Variants in ADAMTS17 observed in about 807,000 individuals in gnomAD.
ADAMTS17 encodes ADAM metallopeptidase with thrombospondin type 1 motif 17.
A neutral mutation model predicts 141.5 loss-of-function variants in ADAMTS17; 113 were observed. The ratio of observed to expected loss-of-function variants is 0.80; its 90% CI spans 0.69 to 0.93. The LOEUF is 0.93. ADAMTS17 is among the 40% of genes least tolerant of loss of function. The probability of loss-of-function intolerance (pLI) is 0.00; values close to 1 mark genes in which losing one functional copy is unlikely to be tolerated. For synonymous variants in ADAMTS17, 768 were observed against 630.6 expected (o/e 1.22, Z -3.27); for missense variants, 1,659 against 1,517.9 (o/e 1.09, Z -1.54).
intron 12 of ADAMTS17, among the ~76,000 whole-genome samples, chr15:100,123,801 C>A (rs1044975652): frequency 5.9e-5 from 9 of 152,178 alleles, no homozygotes; most frequent in Non-Finnish European, 1.3e-4. Flanking sequence ...AGCTCCTGGA[C>A]CCAGCAGGAA....
At chr15:100,134,004 C>G (rs748259807) in intron 10 of ADAMTS17, among the ~76,000 whole-genome samples, 1 of 152,188 alleles carries the variant, frequency 6.6e-6, no homozygotes, top group Non-Finnish European at 1.5e-5. Flanking sequence ...CACAGACTCC[C>G]AACTGTATCA....
rs1438536763 is a variant in ADAMTS17, at chr15:100,060,419, A to T, written c.2138-6365T>A. Among the ~76,000 whole-genome samples the T allele has an allele frequency of 3.3e-5, 5 of 152,256 alleles. No homozygotes were observed. The East Asian group carries it at 9.6e-4, about 29-fold the overall frequency. ...CTTCTTCCTCTCTGTGGACACTTAC[A>T]CACCATCCTGGTCTTCCAGGCACTG... On this transcript the variant is annotated intron_variant, in intron 15 of 21. Transcript: ENST00000268070.
chr15:100,215,085 T>C (rs1190464551), intron 7 of ADAMTS17, among the ~76,000 whole-genome samples: 1 of 152,256 alleles, frequency 6.6e-6, no homozygotes, highest in Non-Finnish European at 1.5e-5. Context: ...GAATGTGGAC[T>C]GCTGTTTCCT....
At chr15:100,143,683 G>A (rs2038764886) in intron 10 of ADAMTS17, among the ~76,000 whole-genome samples, 1 of 152,194 alleles carries the variant, frequency 6.6e-6, no homozygotes, top group Non-Finnish European at 1.5e-5. Flanking sequence ...ACATTCAGTG[G>A]TGATAGTGTG....
At chr15:100,322,376 G>A (rs961292562) in intron 3 of ADAMTS17, among the ~76,000 whole-genome samples, 1 of 152,186 alleles carries the variant, frequency 6.6e-6, no homozygotes, top group Non-Finnish European at 1.5e-5. Flanking sequence ...ATGGAAAAGA[G>A]TCTAGTTAAG....
chr15:100,290,239 A>G (rs2044585255), intron 3 of ADAMTS17, among the ~76,000 whole-genome samples: 1 of 152,146 alleles, frequency 6.6e-6, no homozygotes, highest in Admixed American at 6.5e-5. Flanking sequence ...GTGCAAATCA[A>G]TGCAATCCCA....
At chr15:100,251,048 T>G (rs1019294930) in intron 7 of ADAMTS17, among the ~76,000 whole-genome samples, 5 of 152,092 alleles carry the variant, frequency 3.3e-5, no homozygotes, top group African/African-American at 1.2e-4. Context: ...AAGAGAAACA[T>G]ATACTAATAA....
intron 18 of ADAMTS17, among the ~76,000 whole-genome samples, chr15:100,017,189 C>G (rs191214880): frequency 3.5e-4 from 54 of 152,298 alleles, no homozygotes; most frequent in African/African-American, 1.2e-3. Context: ...CCCACGCAAT[C>G]CAAAGGGCTG....
At chr15:100,115,815 C>T (rs1324243272) in intron 13 of ADAMTS17, among the ~76,000 whole-genome samples, 5 of 152,154 alleles carry the variant, frequency 3.3e-5, no homozygotes, top group Non-Finnish European at 7.3e-5. Flanking sequence ...TCTTCAAGCT[C>T]CCTCACTCCA....
intron 8 of ADAMTS17, among the ~76,000 whole-genome samples, chr15:100,174,276 T>A (rs551620305): frequency 6.6e-6 from 1 of 152,258 alleles, no homozygotes; most frequent in East Asian, 1.9e-4. Flanking sequence ...AGGGCAATAG[T>A]GTTGGCAGAT....
At chr15:100,059,448 G>A (rs763296669) in intron 15 of ADAMTS17, among the ~76,000 whole-genome samples, 1 of 145,622 alleles carries the variant, frequency 6.9e-6, no homozygotes, top group African/African-American at 2.7e-5. Flanking sequence ...GCAGAGCCAG[G>A]AGGCATAGGG....
At chr15:100,261,199 T>C (rs894522919) in intron 6 of ADAMTS17, among the ~76,000 whole-genome samples, 1 of 152,086 alleles carries the variant, frequency 6.6e-6, no homozygotes, top group Non-Finnish European at 1.5e-5. Flanking sequence ...GTTATATTTA[T>C]AGGAAGAGGG....
At chr15:100,221,659 A>G (rs959642912) in intron 7 of ADAMTS17, among the ~76,000 whole-genome samples, 3 of 152,180 alleles carry the variant, frequency 2.0e-5, no homozygotes, top group Admixed American at 6.5e-5. Context: ...GCACGTGTGC[A>G]AACTCCCACG....
At chr15:100,119,282 A>C (rs1277902583) in intron 12 of ADAMTS17, among the ~76,000 whole-genome samples, 1 of 152,148 alleles carries the variant, frequency 6.6e-6, no homozygotes, top group Non-Finnish European at 1.5e-5. Flanking sequence ...GCCCCAGGAA[A>C]CTAAGGAACC....
intron 18 of ADAMTS17, among the ~76,000 whole-genome samples, chr15:100,020,863 T>C (rs1027501314): frequency 2.6e-5 from 4 of 152,206 alleles, no homozygotes; most frequent in African/African-American, 7.2e-5. Context: ...TGACGTGTCA[T>C]AATCATCTTT....
At chr15:100,143,217 G>A (rs1389254169) in intron 10 of ADAMTS17, among the ~76,000 whole-genome samples, 1 of 152,198 alleles carries the variant, frequency 6.6e-6, no homozygotes, top group Non-Finnish European at 1.5e-5. Context: ...GACCCTAACT[G>A]CACCCCTTCT....
Position 100,202,118 on chromosome 15 carries a change from G to A in ADAMTS17, c.1076-2695C>T, listed in dbSNP as rs536903916. Among the ~76,000 whole-genome samples, 217 of 152,298 alleles carry A rather than the reference G, an allele frequency of 1.4e-3. 2 individuals carry two copies. Among genetic ancestry groups the A allele is most frequent in the African/African-American group, 4.6e-3 (192 of 41,560 alleles). On this transcript the variant is annotated intron_variant, in intron 7 of 21. Transcript: ENST00000268070. ...TTCCTGTCCTGAGTGTGCCCACCAC[G>A]GGCTCTGATGCAGAACCGGCAGACC...
At chr15:100,151,973 T>C (rs899152148) in intron 10 of ADAMTS17, among the ~76,000 whole-genome samples, 1 of 152,204 alleles carries the variant, frequency 6.6e-6, no homozygotes, top group African/African-American at 2.4e-5. Flanking sequence ...CCTTTTTCAA[T>C]GTTTGCTTAC....
chr15:100,292,440 G>C (rs1406649318), intron 3 of ADAMTS17, among the ~76,000 whole-genome samples: 2 of 149,544 alleles, frequency 1.3e-5, no homozygotes, highest in Non-Finnish European at 3.0e-5. Flanking sequence ...CCGTGTTAGA[G>C]ACACTCACCC....
Sources: gnomAD v4.1 joint callset for allele counts (sites outside exome capture counted in the v4.1 genomes callset) on GRCh38, gnomAD v4.1.1 for gene constraint, MANE v1.5 for transcripts, NCBI Gene and HGNC (gene_info 2026-07-23, HGNC 2026-07-21) for gene names.